Variants in ABCC10 observed in about 807,000 individuals in gnomAD.
ABCC10 encodes ATP binding cassette subfamily C member 10.
A neutral mutation model predicts 143.2 loss-of-function variants in ABCC10; 110 were observed. The ratio of observed to expected loss-of-function variants is 0.77; its 90% CI spans 0.66 to 0.90. ABCC10 has a LOEUF of 0.90. Among genes scored for constraint, ABCC10 ranks in the 40% least tolerant of loss-of-function variants. The pLI is 0.00. For synonymous variants in ABCC10, 805 were observed against 846.7 expected (o/e 0.95, Z 0.85); for missense variants, 1,700 against 1,900.5 (o/e 0.89, Z 1.96).
intron 2 of ABCC10, chr6:43,430,724 ATTCT>A (rs1376414238): frequency 6.7e-6 from 1 of 149,568 alleles, no homozygotes; most frequent in Non-Finnish European, 1.5e-5. Flanking sequence ...CCTGTATTTG[ATTCT>A]TTTTTTTTTT....
At position 43,433,150 on chromosome 6, in the gene ABCC10, G is replaced by A; in HGVS notation, c.1170G>A (p.Arg390=). The stretch of plus-strand genomic sequence containing the variant: ...ACCTACTAGGCACTGACTCTGAACG[G>A]CTGCTTAACTTTGCTGGGAGCTTCC... ...ALNLLGTDSE[R]LLNFAGSFHE... Residue 390 remains arginine (R), a synonymous_variant, in exon 3 of 22, where the codon CGG becomes CGA. Transcript: ENST00000372530. 1 of 1,614,108 alleles carries A rather than the reference G, an allele frequency of 6.2e-7. No homozygotes were observed. Among genetic ancestry groups the A allele is most frequent in the South Asian group, 1.1e-5 (1 of 91,086 alleles).
rs1205716435 is a variant in ABCC10, at chr6:43,427,755, A to G, written c.-14A>G. The G allele has an allele frequency of 3.3e-6, 2 of 604,596 alleles. No homozygotes were observed. Among genetic ancestry groups the G allele is most frequent in the African/African-American group, 3.7e-5 (2 of 54,200 alleles). 37.5% of individuals were successfully genotyped at this position (604,596 alleles called of 1,614,324 possible). A position where few individuals can be genotyped will look rare whatever the true frequency, so the allele number is the denominator to read the frequency against. On this transcript the variant is annotated splice_region_variant and 5_prime_UTR_variant, in exon 1 of 22. Coordinates refer to ENST00000372530, the MANE Select transcript of ABCC10 (RefSeq NM_001198934.2). The stretch of plus-strand genomic sequence containing the variant: ...AAACGGGAGGGGAAAAACAGATGGC[A>G]AGGTGGGTGACCAGCGTCCAGAAAT...
chr6:43,450,478 G>T, downstream of ABCC10: 2 of 1,503,912 alleles, frequency 1.3e-6, no homozygotes, highest in South Asian at 2.7e-5. The surrounding 1 kb of genome is among the most constrained non-coding windows in gnomAD (Gnocchi z 4.5). Context: ...GGTGAGAACG[G>T]ACCACTCCAG....
At chr6:43,445,382 T>C (rs1782939668) in intron 14 of ABCC10, 68 bp downstream of exon 14, 11 of 1,521,436 alleles carry the variant, frequency 7.2e-6, no homozygotes, top group Middle Eastern at 1.9e-4. Context: ...CTCCCAATAC[T>C]CGGGCTCCAC....
At chr6:43,433,735 G>A (rs1308554322) in intron 3 of ABCC10, among the ~76,000 whole-genome samples, 1 of 152,188 alleles carries the variant, frequency 6.6e-6, no homozygotes, top group African/African-American at 2.4e-5. Context: ...GGTCTTTAGG[G>A]CCAGAGCTGG....
rs140348023 is a variant in ABCC10 at position 43,432,947 on chromosome 6, G to C, written c.967G>C (p.Gly323Arg). ...LEEGQEPLSH[G>R]LLYALGLAGG... ...AGAGGGGCAGGAGCCACTAAGCCAC[G>C]GCCTGCTCTATGCTCTGGGGCTAGC... Residue 323 changes from glycine to arginine, a missense_variant, in exon 3 of 22, where the codon GGC (glycine) becomes CGC (arginine). By Grantham distance (125) the Gly-to-Arg change is moderately radical (BLOSUM62 -2). Coordinates refer to ENST00000372530, the MANE Select transcript of ABCC10 (RefSeq NM_001198934.2). 2 of 1,614,166 alleles carry C rather than the reference G, an allele frequency of 1.2e-6. No homozygotes were observed. Among genetic ancestry groups the C allele is most frequent in the African/African-American group, 1.3e-5 (1 of 75,028 alleles).
chr6:43,450,837 C>A (rs1309688551), downstream of ABCC10: 14 of 1,614,064 alleles, frequency 8.7e-6, no homozygotes, highest in Non-Finnish European at 1.1e-5. This position sits in a 1 kb window ranked among gnomAD's most constrained non-coding sequence, Gnocchi z 4.5. Context: ...CCGCAGCAGA[C>A]CAGCCCCTGC....
Position 43,432,253 on chromosome 6 carries a change from A to G in ABCC10, c.273A>G (p.Pro91=), listed in dbSNP as rs762452044. ...LLDLLPVALP[P]GAGPGPIGLE... ...ACCTTCTTCCAGTTGCTTTGCCACCAGGGGCAGGCCCAGGACCCATAGGGC... is the reference window on the plus strand; with the variant it reads ...ACCTTCTTCCAGTTGCTTTGCCACCGGGGGCAGGCCCAGGACCCATAGGGC... The change falls in exon 3 of 22, where the codon CCA becomes CCG. Residue 91 remains proline (P), a synonymous_variant. Coordinates refer to ENST00000372530, the MANE Select transcript of ABCC10 (RefSeq NM_001198934.2). 2.5e-6 allele frequency: 4 copies of G among 1,614,120 alleles called. No individual in the cohort carries two copies. In the East Asian group the frequency reaches 6.7e-5, roughly 27 times the overall value.
Position 43,443,952 on chromosome 6 carries a change from G to A in ABCC10, c.2436G>A (p.Leu812=). The part of the protein sequence containing the change: ...LIRAGPPSEI[L]PLVQAVPKAW... Reference sequence around the variant, plus strand: ...CTCCAGGACCTCCCTCTGAGATTCTGCCACTGGTACAAGCTGTCCCCAAAG... The same window carrying A: ...CTCCAGGACCTCCCTCTGAGATTCTACCACTGGTACAAGCTGTCCCCAAAG... Residue 812 remains leucine, a synonymous_variant, in exon 11 of 22, where the codon CTG becomes CTA. Coordinates refer to ENST00000372530, the MANE Select transcript of ABCC10 (RefSeq NM_001198934.2). The surrounding 1 kb of genome is among the most constrained non-coding windows in gnomAD (Gnocchi z 4.2). The A allele has an allele frequency of 6.2e-7, 1 of 1,614,096 alleles. No individual in the cohort carries two copies.
rs1001424006 is a variant in ABCC10 at position 43,447,570 on chromosome 6, T to C, written c.3706-114T>C. On this transcript the variant is annotated intron_variant, in intron 17 of 21. Coordinates refer to ENST00000372530, the MANE Select transcript of ABCC10 (RefSeq NM_001198934.2). ...CATGTCCCTTCTTCCCCATCTCTCATTCTCTCATTCCTCTCACACTGTCCA... is the reference window on the plus strand; with the variant it reads ...CATGTCCCTTCTTCCCCATCTCTCACTCTCTCATTCCTCTCACACTGTCCA... 3.9e-6 allele frequency: 6 copies of C among 1,558,422 alleles called. No individual in the cohort carries two copies. The African/African-American group carries it at 8.1e-5, about 21-fold the overall frequency.
chr6:43,448,019 A>T (rs1783305285), intron 18 of ABCC10, 82 bp downstream of exon 18: 1 of 1,575,846 alleles, frequency 6.3e-7, no homozygotes, highest in Non-Finnish European at 8.6e-7. Context: ...GGAAGGCTTT[A>T]TATAAACTCA....
rs2127417476 is a variant in ABCC10, at chr6:43,450,197, C to T, written c.*106C>T. On this transcript the variant is annotated 3_prime_UTR_variant, in exon 22 of 22. Coordinates refer to ENST00000372530, the MANE Select transcript of ABCC10 (RefSeq NM_001198934.2). The surrounding 1 kb of genome is among the most constrained non-coding windows in gnomAD (Gnocchi z 4.5). Reference sequence around the variant, plus strand: ...CATTCTCCTCTGGGGCTCTACCTCTCCACACTTCCCCAGAAGGGAAAAGGG... The same window carrying T: ...CATTCTCCTCTGGGGCTCTACCTCTTCACACTTCCCCAGAAGGGAAAAGGG... 2 of 1,336,230 alleles carry T rather than the reference C, an allele frequency of 1.5e-6. No homozygotes were observed. The highest frequency in any genetic ancestry group is 1.0e-6 in the Non-Finnish European group (1 of 977,098). 82.8% of individuals were successfully genotyped at this position (1,336,230 alleles called of 1,614,324 possible). A position where few individuals can be genotyped will look rare whatever the true frequency, so the allele number is the denominator to read the frequency against.
At chr6:43,438,555 G>A (rs1781991867) in intron 7 of ABCC10, 69 bp from the exon 8 acceptor site, 1 of 1,569,606 alleles carries the variant, frequency 6.4e-7, no homozygotes, top group South Asian at 1.2e-5. Flanking sequence ...GCTTCTAGGA[G>A]TCAAGGGCTG....
chr6:43,451,967 C>A, downstream of ABCC10: 1 of 1,614,124 alleles, frequency 6.2e-7, no homozygotes, highest in Non-Finnish European at 8.5e-7. The surrounding 1 kb of genome is among the most constrained non-coding windows in gnomAD (Gnocchi z 4.4). Context: ...TCCAGCCTTG[C>A]GCTCGCAGTC....
Position 43,445,172 on chromosome 6 carries a change from A to G in ABCC10, c.2888A>G (p.Asp963Gly). The G allele has an allele frequency of 2.5e-5, 40 of 1,613,968 alleles. No individual in the cohort carries two copies. Among genetic ancestry groups the G allele is most frequent in the Non-Finnish European group, 3.4e-5 (40 of 1,179,912 alleles). ...AAAGCTGCCCCCAATGGCTCCTCAG[A>G]CATCCGTTTCTACCTCACCGTGTAT... ...LPKAAPNGSS[D>G]IRFYLTVYAT... The change falls in exon 14 of 22, where the codon GAC becomes GGC. Residue 963 changes from aspartate (D) to glycine (G), a missense_variant. Asp to Gly is a moderately conservative substitution (Grantham distance 94, BLOSUM62 -1). Transcript: ENST00000372530.
At position 43,447,230 on chromosome 6, in the gene ABCC10, G is replaced by C; in HGVS notation, c.3545-18G>C. On this transcript the variant is annotated intron_variant, in intron 16 of 21. Transcript: ENST00000372530. Reference sequence around the variant, plus strand: ...CGGTGTCCAAGCTCTCCCAGCAGCTGGTACTTCTCTCCCCCAGGGCTGGTG... The same window carrying C: ...CGGTGTCCAAGCTCTCCCAGCAGCTCGTACTTCTCTCCCCCAGGGCTGGTG... 1 of 1,609,200 alleles carries C rather than the reference G, an allele frequency of 6.2e-7. No homozygotes were observed. Among genetic ancestry groups the C allele is most frequent in the Non-Finnish European group, 8.5e-7 (1 of 1,177,814 alleles).
intron 3 of ABCC10, among the ~76,000 whole-genome samples, chr6:43,433,765 C>G (rs1781385277): frequency 6.6e-6 from 1 of 152,168 alleles, no homozygotes; most frequent in African/African-American, 2.4e-5. Context: ...CTCCAACCTC[C>G]TTATCTAGGG....
In ABCC10 at chr6:43,449,505, C is replaced by A. The variant is rs1354790309; in HGVS notation, c.4287C>A (p.Ala1429=). Residue 1429 remains alanine (A), a synonymous_variant, in exon 21 of 22, where the codon GCC becomes GCA. Transcript: ENST00000372530. ...LLQQTICKRF[A]NKTVLTIAHR... is the part of the protein sequence containing the mutation. ...AGCAGACCATCTGCAAACGCTTTGC[C>A]AACAAGACAGTGCTGACCATTGCCC... 1.9e-6 allele frequency: 3 copies of A among 1,613,914 alleles called. No homozygotes were observed. Among genetic ancestry groups the A allele is most frequent in the Non-Finnish European group, 2.5e-6 (3 of 1,179,950 alleles).
At position 43,450,076 on chromosome 6, in the gene ABCC10, A is replaced by G; in HGVS notation, c.4464A>G (p.Ser1488=). ...GCAGCCAGCAGGGAGTCCCTGCCTC[A>G]CTCGGAGGTCCCTGAGCCCAATCCC... ...LQSSQQGVPA[S]LGGP is the part of the protein sequence containing the mutation. The change falls in exon 22 of 22, where the codon TCA becomes TCG. Residue 1488 remains serine, a synonymous_variant. Transcript: ENST00000372530. The surrounding 1 kb of genome is among the most constrained non-coding windows in gnomAD (Gnocchi z 4.5). The G allele has an allele frequency of 6.2e-7, 1 of 1,601,552 alleles. No individual in the cohort carries two copies. The highest frequency in any genetic ancestry group is 8.5e-7 in the Non-Finnish European group (1 of 1,173,306).
Sources: gnomAD v4.1 joint callset for allele counts (sites outside exome capture counted in the v4.1 genomes callset) on GRCh38, gnomAD v4.1.1 for gene constraint, Gnocchi (gnomAD v3.1) non-coding constraint, MANE v1.5 for transcripts, NCBI Gene and HGNC (gene_info 2026-07-23, HGNC 2026-07-21) for gene names.